NRG3: variants seen among roughly 807,000 people sequenced by gnomAD.
The protein encoded by NRG3 is neuregulin 3, also known as pro-neuregulin-3, membrane-bound isoform.
A neutral mutation model predicts 66.9 loss-of-function variants in NRG3; 31 were observed. That is an observed-to-expected ratio of 0.46 (90% CI 0.35 to 0.63). The LOEUF (loss-of-function observed/expected upper bound fraction) is 0.63, where lower values mean the gene tolerates loss of function less well. NRG3 is among the 20% of genes least tolerant of loss of function. NRG3 has a pLI of 0.00. For missense variants in NRG3, 910 were observed against 878.9 expected (o/e 1.04, Z -0.45); for synonymous variants, 393 against 359.4 (o/e 1.09, Z -1.06).
chr10:82,307,165 T>C (rs1014551858), intron 1 of NRG3, among the ~76,000 whole-genome samples: 20 of 152,206 alleles, frequency 1.3e-4, no homozygotes, highest in African/African-American at 4.8e-4. Context: ...GCAAATGTTT[T>C]ATACACACAC....
intron 2 of NRG3, among the ~76,000 whole-genome samples, chr10:82,375,097 A>G (rs1481702214): frequency 1.3e-5 from 2 of 152,212 alleles, no homozygotes; most frequent in Non-Finnish European, 2.9e-5. Context: ...TATTTTTCCC[A>G]AACAGTAGAA....
chr10:82,572,364 T>C, intron 2 of NRG3, among the ~76,000 whole-genome samples: 1 of 151,680 alleles, frequency 6.6e-6, no homozygotes, highest in East Asian at 1.9e-4. Flanking sequence ...AAAAAAATCA[T>C]TATTCTACAT....
At chr10:82,665,001 C>T (rs139069693) in intron 2 of NRG3, among the ~76,000 whole-genome samples, 154 of 152,238 alleles carry the variant, frequency 1.0e-3, no homozygotes, top group Non-Finnish European at 1.7e-3. Context: ...CCATATTCTC[C>T]GCCTTCTCAC....
chr10:82,399,663 A>G (rs1184183788), intron 2 of NRG3, among the ~76,000 whole-genome samples: 3 of 152,268 alleles, frequency 2.0e-5, no homozygotes, highest in East Asian at 3.9e-4. Context: ...CACTAATCCT[A>G]TCATAGGGGG....
intron 2 of NRG3, among the ~76,000 whole-genome samples, chr10:82,631,545 G>A (rs925564823): frequency 6.8e-6 from 1 of 147,028 alleles, no homozygotes; most frequent in Admixed American, 6.8e-5. Context: ...TTCAGCTTTT[G>A]TTTCCATTTG....
intron 1 of NRG3, among the ~76,000 whole-genome samples, chr10:82,142,470 G>C (rs992803099): frequency 1.3e-5 from 2 of 152,108 alleles, no homozygotes; most frequent in African/African-American, 4.8e-5. Context: ...TGTTCAGTAG[G>C]AACAGTGGGA....
At chr10:82,595,305 G>T (rs2047209243) in intron 2 of NRG3, among the ~76,000 whole-genome samples, 1 of 152,272 alleles carries the variant, frequency 6.6e-6, no homozygotes, top group East Asian at 1.9e-4. Context: ...ATGCTGTGAT[G>T]AGTATATCCT....
chr10:82,327,601 A>G (rs889132038), intron 1 of NRG3, among the ~76,000 whole-genome samples: 1 of 152,200 alleles, frequency 6.6e-6, no homozygotes, highest in Non-Finnish European at 1.5e-5. Flanking sequence ...TCTCAAAAAA[A>G]TGATACTGCA....
chr10:82,326,731 C>T (rs1303396867), intron 1 of NRG3, among the ~76,000 whole-genome samples: 1 of 152,108 alleles, frequency 6.6e-6, no homozygotes, highest in Non-Finnish European at 1.5e-5. Flanking sequence ...CATTTGTTTT[C>T]CATTTCTCAA....
At chr10:82,161,577 A>G (rs1315778484) in intron 1 of NRG3, among the ~76,000 whole-genome samples, 3 of 152,114 alleles carry the variant, frequency 2.0e-5, no homozygotes, top group Non-Finnish European at 4.4e-5. Context: ...AGGCTCTGAA[A>G]GGATAAGTGA....
chr10:82,721,818 CAT>C (rs2057338099), intron 2 of NRG3, among the ~76,000 whole-genome samples: 2 of 152,268 alleles, frequency 1.3e-5, no homozygotes, highest in South Asian at 4.1e-4. Context: ...TATCCTTACA[CAT>C]GTGTTTGTGT....
At chr10:81,877,695 A>G in intron 1 of NRG3, 1 of 1,310,518 alleles carries the variant, frequency 7.6e-7, no homozygotes, top group South Asian at 2.2e-5. Context: ...GACAGGAAGG[A>G]GGGAAGGAAG....
At chr10:81,975,313 ACATCTATCTAT>A (rs1362405576) in intron 1 of NRG3, among the ~76,000 whole-genome samples, 1 of 137,282 alleles carries the variant, frequency 7.3e-6, no homozygotes, top group Admixed American at 7.8e-5. Context: ...CAATTGTGTA[ACATCTATCTAT>A]CTATCTATCT....
intron 2 of NRG3, among the ~76,000 whole-genome samples, chr10:82,617,323 G>GAC (rs148717796): frequency 1.4e-4 from 19 of 140,070 alleles, no homozygotes; most frequent in Non-Finnish European, 2.6e-4. Flanking sequence ...CGCACACATA[G>GAC]ACACACACAC....
At chr10:82,092,547 A>C (rs2066088082) in intron 1 of NRG3, among the ~76,000 whole-genome samples, 1 of 152,026 alleles carries the variant, frequency 6.6e-6, no homozygotes. Flanking sequence ...GGATTCCCTA[A>C]ATTTATTTCC....
At chr10:82,218,575 C>T (rs2075795286) in intron 1 of NRG3, among the ~76,000 whole-genome samples, 1 of 152,144 alleles carries the variant, frequency 6.6e-6, no homozygotes, top group Non-Finnish European at 1.5e-5. Flanking sequence ...TACTCTCATT[C>T]AAGACACTGT....
At chr10:82,899,149 A>G (rs1217234242) in intron 4 of NRG3, among the ~76,000 whole-genome samples, 1 of 152,090 alleles carries the variant, frequency 6.6e-6, no homozygotes, top group Non-Finnish European at 1.5e-5. Flanking sequence ...ATAGGTTCTC[A>G]TTGTCAAAGT....
chr10:82,793,796 C>T (rs1457539636), intron 3 of NRG3, among the ~76,000 whole-genome samples: 1 of 152,082 alleles, frequency 6.6e-6, no homozygotes, highest in African/African-American at 2.4e-5. Flanking sequence ...AAGCTTCTTC[C>T]ACAAGGCATC....
chr10:82,784,620 G>T (rs995057997), intron 3 of NRG3, among the ~76,000 whole-genome samples: 2 of 152,036 alleles, frequency 1.3e-5, no homozygotes, highest in Non-Finnish European at 2.9e-5. Context: ...ATCATCACTG[G>T]CCATCAGAGA....
Sources: gnomAD v4.1 joint callset for allele counts (sites outside exome capture counted in the v4.1 genomes callset) on GRCh38, gnomAD v4.1.1 for gene constraint, MANE v1.5 for transcripts, NCBI Gene and HGNC (gene_info 2026-07-23, HGNC 2026-07-21) for gene names.